Variants in MTMR3 observed in about 807,000 individuals in gnomAD.
MTMR3 encodes the protein phosphatidylinositol-3,5-bisphosphate 3-phosphatase MTMR3.
Under a neutral mutation model 132.4 loss-of-function variants are expected in MTMR3, and 32 were observed. That is an observed-to-expected ratio of 0.24 (90% CI 0.18 to 0.32). The LOEUF is 0.32. Among genes scored for constraint, MTMR3 ranks in the 10% least tolerant of loss-of-function variants. MTMR3 has a pLI of 1.00. For synonymous variants in MTMR3, 556 were observed against 550.3 expected, an observed-to-expected ratio of 1.01 and a Z score of -0.14; for missense variants, 1,216 against 1,489.6, an observed-to-expected ratio of 0.82 and a Z score of 3.02.
intron 3 of MTMR3, chr22:29,978,213 A>G: frequency 2.7e-6 from 1 of 370,694 alleles, no homozygotes. Context: ...TAATAGAAAT[A>G]TTCTAACCTC....
At position 30,020,051 on chromosome 22, in the gene MTMR3, A is replaced by G. The variant is rs1481397287; in HGVS notation, c.2392A>G (p.Ile798Val). 6.2e-7 allele frequency: 1 copy of G among 1,614,200 alleles called. No homozygotes were observed. The highest frequency in any genetic ancestry group is 2.2e-5 in the East Asian group (1 of 44,872). The change falls in exon 17 of 20, where the codon ATA (isoleucine) becomes GTA (valine). Residue 798 changes from isoleucine to valine, a missense_variant. By Grantham distance (29) the Ile-to-Val change is conservative. Around this residue, in one of 7 missense-constraint regions of MTMR3, gnomAD observed 852 missense variants for 852.0 expected, o/e 1.00. Transcript: ENST00000401950. Reference protein sequence around the residue: ...SLEVPVEQFRIEEIAEGREEA... With the variant: ...SLEVPVEQFRVEEIAEGREEA... The stretch of plus-strand genomic sequence containing the variant: ...GGAGGTCCCTGTGGAGCAGTTTCGA[A>G]TAGAAGAGATTGCAGAGGGTAGGGA...
In MTMR3 at chr22:30,022,128, C is replaced by G; in HGVS notation, c.3325C>G (p.Gln1109Glu). The change falls in exon 18 of 20, where the codon CAG (glutamine) becomes GAG (glutamate). Residue 1109 changes from glutamine (Q) to glutamate (E), a missense_variant. Transcript: ENST00000401950. ...SEASWEQVDK[Q>E]DTEMTRWLPD... is the part of the protein sequence containing the mutation. ...AGCCAGCTGGGAGCAGGTGGATAAA[C>G]AGGACACAGAGGTACAGGCTCAGCC... is the stretch of plus-strand genomic sequence containing the variant. The G allele has an allele frequency of 6.2e-7, 1 of 1,613,058 alleles. No individual in the cohort carries two copies. The highest frequency in any genetic ancestry group is 8.5e-7 in the Non-Finnish European group (1 of 1,179,020).
rs138998974 is a variant in MTMR3 at position 30,029,945 on chromosome 22, C to G, written c.*4144C>G. The G allele has an allele frequency of 1.7e-4, 26 of 152,406 alleles. No homozygotes were observed. In the East Asian group the frequency reaches 4.9e-3, roughly 29 times the overall value. The allele number at this position is 152,406 out of a possible 1,614,324, so 9.4% of individuals were successfully genotyped here. On this transcript the variant is annotated 3_prime_UTR_variant, in exon 20 of 20. Transcript: ENST00000401950. The stretch of plus-strand genomic sequence containing the variant: ...GAGAGACTTCTAGTTCAGAGCTGAC[C>G]CCTCTAAGCCTCTGACACTTAAACA...
In MTMR3 at chr22:30,028,989, AC is replaced by A. The variant is rs946188228; in HGVS notation, c.*3189del. On this transcript the variant is annotated 3_prime_UTR_variant, in exon 20 of 20. Coordinates refer to ENST00000401950, the MANE Select transcript of MTMR3 (RefSeq NM_021090.4). ...GGGCTAGTCTCCAGCAAATTAAAAC[AC>A]TGGCATGGCCTAGGAAGGGCGTTGC... 110 of 152,380 alleles carry A rather than the reference AC, an allele frequency of 7.2e-4. 1 individual carries two copies. Among genetic ancestry groups the A allele is most frequent in the Non-Finnish European group, 1.9e-4 (13 of 68,060 alleles). 9.4% of individuals were successfully genotyped at this position (152,380 alleles called of 1,614,324 possible).
At chr22:29,924,576 A>T (rs528905615) in intron 1 of MTMR3, among the ~76,000 whole-genome samples, 1 of 152,130 alleles carries the variant, frequency 6.6e-6, no homozygotes, top group African/African-American at 2.4e-5. Flanking sequence ...TTTAGACTGA[A>T]TTTTTCTATT....
At chr22:30,014,214 A>G (rs947989286) in intron 14 of MTMR3, 2 of 152,016 alleles carry the variant, frequency 1.3e-5, no homozygotes, top group Non-Finnish European at 2.9e-5. Flanking sequence ...TCTCTCTTAA[A>G]CCCACTTCAA....
At chr22:30,023,031 C>G (rs995970956) in intron 19 of MTMR3, 6 of 407,620 alleles carry the variant, frequency 1.5e-5, no homozygotes, top group African/African-American at 1.2e-4. Flanking sequence ...TGAGCAAAAC[C>G]AGTTTTCCTG....
rs1360020314 is a variant in MTMR3 at position 29,991,542 on chromosome 22, T to A, written c.332T>A (p.Leu111Gln). Residue 111 changes from leucine (L) to glutamine (Q), a missense_variant, in exon 7 of 20, where the codon CTG becomes CAG. Physicochemically the swap from Leu to Gln is moderately radical, Grantham distance 113. Coordinates refer to ENST00000401950, the MANE Select transcript of MTMR3 (RefSeq NM_021090.4). ...ACCTTTGAGCAGTGTCAAGAGTGGCTGAAGAGACTGAACAACGCAATCCGA... is the reference window on the plus strand; with the variant it reads ...ACCTTTGAGCAGTGTCAAGAGTGGCAGAAGAGACTGAACAACGCAATCCGA... ...FSTFEQCQEW[L>Q]KRLNNAIRPP... 3.1e-6 allele frequency: 5 copies of A among 1,613,932 alleles called. No homozygotes were observed. Among genetic ancestry groups the A allele is most frequent in the Non-Finnish European group, 4.2e-6 (5 of 1,179,972 alleles).
intron 1 of MTMR3, among the ~76,000 whole-genome samples, chr22:29,945,095 C>T (rs1320577601): frequency 1.3e-5 from 2 of 152,198 alleles, no homozygotes; most frequent in African/African-American, 4.8e-5. Context: ...TCACTGCATC[C>T]TCAGCCTCCT....
rs1215687560 is a variant in MTMR3 at position 30,017,977 on chromosome 22, G to A, written c.1725G>A (p.Val575=). 6.2e-7 allele frequency: 1 copy of A among 1,613,822 alleles called. No individual in the cohort carries two copies. The highest frequency in any genetic ancestry group is 8.5e-7 in the Non-Finnish European group (1 of 1,179,930). ...HVRNLMLWSA[V]YLPCPSPTTP... is the part of the protein sequence containing the mutation. ...GTAACCTGATGCTGTGGAGTGCAGTGTACCTGCCCTGCCCATCCCCAACCA... is the reference window on the plus strand; with the variant it reads ...GTAACCTGATGCTGTGGAGTGCAGTATACCTGCCCTGCCCATCCCCAACCA... Residue 575 remains valine, a synonymous_variant, in exon 16 of 20, where the codon GTG becomes GTA. Transcript: ENST00000401950.
intron 1 of MTMR3, among the ~76,000 whole-genome samples, chr22:29,890,000 G>A (rs1319239829): frequency 1.4e-5 from 2 of 146,630 alleles, no homozygotes; most frequent in African/African-American, 5.1e-5. Flanking sequence ...TCTGCCTCCC[G>A]GGTTCAAGCG....
intron 2 of MTMR3, among the ~76,000 whole-genome samples, chr22:29,957,423 T>G (rs1324258063): frequency 5.2e-4 from 11 of 20,960 alleles, no homozygotes; most frequent in African/African-American, 1.5e-3. Context: ...TTGTATTTAT[T>G]TATTTATTTA....
At chr22:29,953,898 T>C (rs1017862625) in intron 1 of MTMR3, among the ~76,000 whole-genome samples, 1 of 152,162 alleles carries the variant, frequency 6.6e-6, no homozygotes, top group East Asian at 1.9e-4. Context: ...TACATTCTGC[T>C]ACCTCTACTA....
In MTMR3 at chr22:30,013,526, C is replaced by G. The variant is rs1242038225; in HGVS notation, c.1488C>G (p.Phe496Leu). ...GGCAATTTCCTTGCTCTTTTGAGTT[C>G]AATGAAGCATTCCTTGTAAGTTTCT... Reference protein sequence around the residue: ...LQRQFPCSFEFNEAFLVKLVQ... With the variant: ...LQRQFPCSFELNEAFLVKLVQ... The change falls in exon 14 of 20, where the codon TTC becomes TTG. Residue 496 changes from phenylalanine to leucine, a missense_variant. This residue lies in a region of MTMR3 where 106 missense variants were observed against 209.5 expected (regional missense o/e 0.51). Coordinates refer to ENST00000401950, the MANE Select transcript of MTMR3 (RefSeq NM_021090.4). The G allele has an allele frequency of 9.3e-6, 15 of 1,613,712 alleles. 1 individual carries two copies. In the South Asian group the frequency reaches 1.6e-4, roughly 18 times the overall value.
At chr22:29,942,203 C>A (rs1026313070) in intron 1 of MTMR3, among the ~76,000 whole-genome samples, 1 of 152,054 alleles carries the variant, frequency 6.6e-6, no homozygotes, top group African/African-American at 2.4e-5. Context: ...AGCTGAATGT[C>A]TAGGGGAGAT....
In MTMR3 at chr22:30,025,978, T is replaced by C; in HGVS notation, c.*177T>C. 1.7e-6 allele frequency: 1 copy of C among 576,544 alleles called. No homozygotes were observed. The highest frequency in any genetic ancestry group is 2.6e-5 in the South Asian group (1 of 38,726). The allele number at this position is 576,544 out of a possible 1,614,324, so 35.7% of individuals were successfully genotyped here. On this transcript the variant is annotated 3_prime_UTR_variant, in exon 20 of 20. Transcript: ENST00000401950. Reference sequence around the variant, plus strand: ...GATTGATTTTTCTTTCCTGTCCCCCTACTCCCTCCCTACCTTTTCCATCCT... The same window carrying C: ...GATTGATTTTTCTTTCCTGTCCCCCCACTCCCTCCCTACCTTTTCCATCCT...
intron 2 of MTMR3, among the ~76,000 whole-genome samples, chr22:29,964,143 G>A (rs527779411): frequency 6.0e-4 from 92 of 152,284 alleles, no homozygotes; most frequent in Admixed American, 1.3e-3. Flanking sequence ...CTGAGTGCAT[G>A]CATTACTCGT....
chr22:29,975,268 A>G (rs190801492), intron 3 of MTMR3, among the ~76,000 whole-genome samples: 2 of 152,260 alleles, frequency 1.3e-5, no homozygotes, highest in African/African-American at 2.4e-5. Flanking sequence ...AATCTTTAAA[A>G]TGCTCATAAA....
intron 1 of MTMR3, among the ~76,000 whole-genome samples, chr22:29,940,068 C>A (rs1338328378): frequency 6.6e-6 from 1 of 152,140 alleles, no homozygotes; most frequent in East Asian, 1.9e-4. Flanking sequence ...GAGATCGAGA[C>A]CATCCTGGCT....
Sources: gnomAD v4.1 joint callset for allele counts (sites outside exome capture counted in the v4.1 genomes callset) on GRCh38, gnomAD v4.1.1 for gene constraint, gnomAD v4.1.1 regional missense constraint, MANE v1.5 for transcripts, NCBI Gene and HGNC (gene_info 2026-07-23, HGNC 2026-07-21) for gene names.